The following PC variants were observed in gnomAD, a reference collection of about 807,000 sequenced individuals.
The protein encoded by PC is pyruvate carboxylase, mitochondrial.
Under a neutral mutation model 107.8 loss-of-function variants are expected in PC, and 46 were observed. That is an observed-to-expected ratio of 0.43 (90% CI 0.34 to 0.55). The LOEUF (loss-of-function observed/expected upper bound fraction) is 0.55. Among genes scored for constraint, PC ranks in the 20% least tolerant of loss-of-function variants. The probability of loss-of-function intolerance (pLI) is 0.04; values close to 1 mark genes in which losing one functional copy is unlikely to be tolerated. For synonymous variants in PC, 662 were observed against 684.7 expected, an observed-to-expected ratio of 0.97 and a Z score of 0.52; for missense variants, 1,241 against 1,643.1, an observed-to-expected ratio of 0.76 and a Z score of 4.23.
intron 3 of PC, among the ~76,000 whole-genome samples, chr11:66,875,417 C>G (rs979893407): frequency 3.3e-5 from 5 of 152,010 alleles, no homozygotes; most frequent in Admixed American, 6.5e-5. Flanking sequence ...GGCAAGCTCA[C>G]AGAGGGGGAA....
chr11:66,875,547 C>A (rs2135960816), intron 3 of PC, among the ~76,000 whole-genome samples: 1 of 152,072 alleles, frequency 6.6e-6, no homozygotes, highest in East Asian at 1.9e-4. Flanking sequence ...TTGAGTCTGG[C>A]CGAGGAGGAA....
At chr11:66,935,871 T>A (rs1422381612) in intron 3 of PC, among the ~76,000 whole-genome samples, 1 of 152,088 alleles carries the variant, frequency 6.6e-6, no homozygotes, top group Non-Finnish European at 1.5e-5. Context: ...GGAGGATCGC[T>A]TGAGCTCAGA....
At chr11:66,951,825 G>C (rs1949445179) in intron 3 of PC, among the ~76,000 whole-genome samples, 1 of 151,942 alleles carries the variant, frequency 6.6e-6, no homozygotes, top group South Asian at 2.1e-4. Flanking sequence ...AGGAGGCAGA[G>C]GTTGCAGTAA....
At position 66,850,297 on chromosome 11, in the gene PC, T is replaced by G; in HGVS notation, c.2641A>C (p.Met881Leu). The G allele has an allele frequency of 6.2e-7, 1 of 1,614,090 alleles. No homozygotes were observed. The highest frequency in any genetic ancestry group is 2.2e-5 in the East Asian group (1 of 44,870). The change falls in exon 19 of 23, where the codon ATG becomes CTG. Residue 881 changes from methionine (M) to leucine (L), a missense_variant. By Grantham distance (15) the Met-to-Leu change is conservative. Around this residue, in one of 2 missense-constraint regions of PC, gnomAD observed 1,143 missense variants for 1,551.9 expected, o/e 0.74. Coordinates refer to ENST00000393960, the MANE Select transcript of PC (RefSeq NM_001040716.2). ...YTNLHFQAHSMGLGSKFKEVK... is the reference protein window; with the variant it reads ...YTNLHFQAHSLGLGSKFKEVK... ...TCCTTGAACTTGGAGCCAAGCCCCA[T>G]GCTGTGGGCCTGGAAGTGCAGGTTG... is the stretch of plus-strand genomic sequence containing the variant.
rs1946495586 is a variant in PC, at chr11:66,866,367, GA to G, written c.1023-19del. On this transcript the variant is annotated intron_variant, in intron 10 of 22. Transcript: ENST00000393960. The surrounding 1 kb of genome is among the most constrained non-coding windows in gnomAD (Gnocchi z 5.4). ...GGTCTACGCTGTAGGGCATTGGGGGGAGGGGGGAAAGGACGGGAGAAAGGGG... is the reference window on the plus strand; with the variant it reads ...GGTCTACGCTGTAGGGCATTGGGGGGGGGGGGAAAGGACGGGAGAAAGGGG... The G allele has an allele frequency of 6.3e-7, 1 of 1,598,176 alleles. No individual in the cohort carries two copies. The highest frequency in any genetic ancestry group is 2.2e-5 in the East Asian group (1 of 44,468).
At chr11:66,879,850 G>A (rs934568363) in intron 3 of PC, among the ~76,000 whole-genome samples, 3 of 152,208 alleles carry the variant, frequency 2.0e-5, no homozygotes, top group African/African-American at 7.2e-5. Context: ...GCCGAGTGAG[G>A]CGGAAGACAC....
intron 3 of PC, among the ~76,000 whole-genome samples, chr11:66,913,729 C>T (rs1413666379): frequency 6.6e-6 from 1 of 151,682 alleles, no homozygotes; most frequent in African/African-American, 2.4e-5. Context: ...GGCCCCAGGA[C>T]GACTCCACAG....
At chr11:66,954,599 GGAC>G (rs1949514592) in intron 1 of PC, among the ~76,000 whole-genome samples, 163 bp from the exon 2 acceptor site, 1 of 152,210 alleles carries the variant, frequency 6.6e-6, no homozygotes, top group African/African-American at 2.4e-5. Context: ...GATGGGGGCA[GGAC>G]GATATTGGGA....
chr11:66,953,235 C>T lies in PC; in HGVS notation c.-39-767G>A, dbSNP rs115711105. Among the ~76,000 whole-genome samples the T allele has an allele frequency of 1.9e-3, 282 of 152,338 alleles. 1 individual carries two copies. Among genetic ancestry groups the T allele is most frequent in the African/African-American group, 6.5e-3 (269 of 41,588 alleles). On this transcript the variant is annotated intron_variant, in intron 2 of 22. Transcript: ENST00000393960. ...TGCCCACTCCGTCCAGCCTCAGGCC[C>T]GCTTTCTCTGCATCTCCGCAGAGCT...
At chr11:66,923,178 C>T (rs891182484) in intron 3 of PC, among the ~76,000 whole-genome samples, 17 of 152,062 alleles carry the variant, frequency 1.1e-4, no homozygotes, top group African/African-American at 2.4e-4. Context: ...CATCCTAACA[C>T]GATGAAACCC....
At chr11:66,916,337 C>T (rs1259951590) in intron 3 of PC, among the ~76,000 whole-genome samples, 4 of 152,166 alleles carry the variant, frequency 2.6e-5, no homozygotes, top group African/African-American at 9.7e-5. Context: ...CCTCCGACCT[C>T]GGCCTCCCAC....
In PC at chr11:66,858,610, G is replaced by C. The variant is rs1192454666; in HGVS notation, c.1368+5164C>G. ...CCCCTCATTGCCCGCCACACGCAGC[G>C]CCTCTGGGTGCTGGAAGGCCAGCGG... is the stretch of plus-strand genomic sequence containing the variant. On this transcript the variant is annotated intron_variant, in intron 12 of 22. Coordinates refer to ENST00000393960, the MANE Select transcript of PC (RefSeq NM_001040716.2). This position sits in a 1 kb window ranked among gnomAD's most constrained non-coding sequence, Gnocchi z 5.9. 6.5e-7 allele frequency: 1 copy of C among 1,535,276 alleles called. No individual in the cohort carries two copies. The highest frequency in any genetic ancestry group is 8.7e-7 in the Non-Finnish European group (1 of 1,143,918).
chr11:66,953,953 G>A (rs1193046820), intron 2 of PC, among the ~76,000 whole-genome samples: 2 of 152,032 alleles, frequency 1.3e-5, no homozygotes, highest in Admixed American at 1.3e-4. Context: ...TGTATGTAAG[G>A]GGCTTAGCAA....
chr11:66,868,491 G>A (rs1212864685), intron 10 of PC, among the ~76,000 whole-genome samples: 1 of 152,244 alleles, frequency 6.6e-6, no homozygotes, highest in Admixed American at 6.5e-5. Context: ...GACAGCCGGA[G>A]ATGCCTGGGT....
At chr11:66,881,859 C>T (rs1435112499) in intron 3 of PC, among the ~76,000 whole-genome samples, 1 of 152,186 alleles carries the variant, frequency 6.6e-6, no homozygotes, top group African/African-American at 2.4e-5. Context: ...AGCAGGAGCT[C>T]GGACCCATCA....
chr11:66,865,353 A>G (rs943433924), intron 11 of PC, among the ~76,000 whole-genome samples: 1 of 152,220 alleles, frequency 6.6e-6, no homozygotes, highest in Non-Finnish European at 1.5e-5. Flanking sequence ...AGCTCCATCA[A>G]TGTCTTGCCT....
intron 3 of PC, among the ~76,000 whole-genome samples, chr11:66,901,494 G>C (rs1352672799): frequency 6.6e-6 from 1 of 151,988 alleles, no homozygotes; most frequent in Non-Finnish European, 1.5e-5. Context: ...TTTGGAGACA[G>C]AGTCCCGCTC....
intron 10 of PC, 34 bp downstream of exon 10, chr11:66,868,812 G>A (rs748966537): frequency 3.2e-5 from 49 of 1,540,940 alleles, no homozygotes; most frequent in East Asian, 2.2e-4. Context: ...CCTAGAAGCC[G>A]CGCCTCCCGC....
At chr11:66,900,186 T>TTG (rs1297290478) in intron 3 of PC, among the ~76,000 whole-genome samples, 1 of 147,428 alleles carries the variant, frequency 6.8e-6, no homozygotes, top group African/African-American at 2.5e-5. Context: ...TTGTTTTTTT[T>TTG]TTTTTTTTTT....
Sources: allele counts gnomAD v4.1 joint callset (sites outside exome capture counted in the v4.1 genomes callset), GRCh38; gene constraint gnomAD v4.1.1; regional missense constraint gnomAD v4.1.1; non-coding constraint Gnocchi (gnomAD v3.1); transcripts MANE v1.5; gene names NCBI Gene and HGNC (gene_info 2026-07-23, HGNC 2026-07-21).